The following KAZN variants were observed in gnomAD, a reference collection of about 807,000 sequenced individuals.
The protein encoded by KAZN is kazrin.
KAZN carries 40 observed loss-of-function variants against 87.4 expected under a neutral mutation model. The ratio of observed to expected loss-of-function variants is 0.46; its 90% CI spans 0.36 to 0.60. KAZN has a LOEUF of 0.60. KAZN is among the 20% of genes least tolerant of loss of function. The probability of loss-of-function intolerance (pLI) is 0.00; values close to 1 mark genes in which losing one functional copy is unlikely to be tolerated. For synonymous variants in KAZN, 466 were observed against 458.3 expected (o/e 1.02, Z -0.22); for missense variants, 898 against 1,073.9 (o/e 0.84, Z 2.29).
chr1:14,542,190 A>G (rs1424796691), intron 2 of KAZN, among the ~76,000 whole-genome samples: 1 of 151,738 alleles, frequency 6.6e-6, no homozygotes, highest in Non-Finnish European at 1.5e-5. Flanking sequence ...AGGGTATAAC[A>G]AGGACAAAAA....
At chr1:14,738,189 C>G (rs955175830) in intron 1 of KAZN, among the ~76,000 whole-genome samples, 3 of 152,136 alleles carry the variant, frequency 2.0e-5, no homozygotes, top group Non-Finnish European at 4.4e-5. Flanking sequence ...TCCACAGGCT[C>G]TAGTAGATCT....
intron 2 of KAZN, among the ~76,000 whole-genome samples, chr1:14,480,165 TCTC>T (rs1431014272): frequency 3.3e-5 from 5 of 152,208 alleles, no homozygotes; most frequent in African/African-American, 1.2e-4. Flanking sequence ...GATGTCAGCC[TCTC>T]CTCCTCTGTG....
At chr1:14,736,389 C>G (rs1643907728) in intron 1 of KAZN, among the ~76,000 whole-genome samples, 1 of 150,852 alleles carries the variant, frequency 6.6e-6, no homozygotes, top group Non-Finnish European at 1.5e-5. Flanking sequence ...ACCTCTGCCT[C>G]CCAGGTTCAA....
At chr1:14,300,657 G>A (rs1356532966) in intron 2 of KAZN, among the ~76,000 whole-genome samples, 1 of 152,216 alleles carries the variant, frequency 6.6e-6, no homozygotes, top group Non-Finnish European at 1.5e-5. Flanking sequence ...GAAGCACACT[G>A]CACATGAGAC....
chr1:14,458,572 T>A (rs992698062), intron 2 of KAZN, among the ~76,000 whole-genome samples: 6 of 152,340 alleles, frequency 3.9e-5, no homozygotes, highest in Admixed American at 1.3e-4. Flanking sequence ...GTAGCCCCTT[T>A]TCTCCGGGGA....
At chr1:14,701,118 A>G (rs1360975605) in intron 1 of KAZN, among the ~76,000 whole-genome samples, 1 of 152,164 alleles carries the variant, frequency 6.6e-6, no homozygotes, top group Admixed American at 6.5e-5. Context: ...ATATGACATT[A>G]GTATAATTTT....
intron 1 of KAZN, among the ~76,000 whole-genome samples, chr1:14,119,298 G>A (rs916430): frequency 0.67 from 101,875 of 152,044 alleles, 35,658 homozygotes; most frequent in African/African-American, 0.86. Context: ...GACTTTTATC[G>A]GGACTCATAA....
intron 1 of KAZN, among the ~76,000 whole-genome samples, chr1:14,076,163 C>A (rs1302730331): frequency 6.6e-6 from 1 of 151,994 alleles, no homozygotes; most frequent in African/African-American, 2.4e-5. Context: ...CACCTGTAGT[C>A]CCAGCTACTC....
At chr1:13,946,924 G>C (rs76673871) in intron 1 of KAZN, among the ~76,000 whole-genome samples, 10,747 of 152,142 alleles carry the variant, frequency 0.071, 575 homozygotes, top group East Asian at 0.2. Context: ...TCTGGAAGCC[G>C]GATGTCCAAA....
chr1:15,019,743 T>C (rs1670477010), intron 2 of KAZN, among the ~76,000 whole-genome samples: 1 of 152,120 alleles, frequency 6.6e-6, no homozygotes, highest in African/African-American at 2.4e-5. Context: ...CAGGATTGCT[T>C]TGAGGAAAAT....
At chr1:14,999,050 G>A (rs774524896) in intron 2 of KAZN, among the ~76,000 whole-genome samples, 4 of 152,178 alleles carry the variant, frequency 2.6e-5, no homozygotes, top group Non-Finnish European at 5.9e-5. Flanking sequence ...TCCAGGTGTG[G>A]TAGTGTCCAC....
intron 2 of KAZN, among the ~76,000 whole-genome samples, chr1:14,201,634 A>G (rs887873112): frequency 2.6e-5 from 4 of 152,180 alleles, no homozygotes; most frequent in Non-Finnish European, 5.9e-5. Flanking sequence ...CACTCAATCT[A>G]AGAAAGCCAG....
intron 1 of KAZN, among the ~76,000 whole-genome samples, chr1:14,658,069 A>G (rs1052531027): frequency 6.6e-6 from 1 of 152,122 alleles, no homozygotes; most frequent in African/African-American, 2.4e-5. Context: ...AGGCAAAGCA[A>G]TTGCACCTGG....
intron 2 of KAZN, among the ~76,000 whole-genome samples, chr1:14,489,200 T>G (rs74226815): frequency 0.11 from 17,111 of 152,134 alleles, 1,377 homozygotes; most frequent in East Asian, 0.33. Context: ...AAAAGAAGAA[T>G]ATGACAAAAA....
chr1:13,949,581 G>A (rs979912856), intron 1 of KAZN, among the ~76,000 whole-genome samples: 4 of 152,122 alleles, frequency 2.6e-5, no homozygotes, highest in Non-Finnish European at 4.4e-5. Flanking sequence ...CCATAATGGC[G>A]ATCATAACAG....
intron 1 of KAZN, among the ~76,000 whole-genome samples, chr1:13,945,714 A>T (rs999057226): frequency 0.046 from 1,994 of 43,288 alleles, 24 homozygotes; most frequent in African/African-American, 0.1. Context: ...TGTGTGTGAG[A>T]GAGAGAGAGA....
At chr1:14,054,583 C>A (rs1642472839) in intron 1 of KAZN, among the ~76,000 whole-genome samples, 1 of 152,184 alleles carries the variant, frequency 6.6e-6, no homozygotes, top group Non-Finnish European at 1.5e-5. Flanking sequence ...TAGCTCAATT[C>A]TTGGCCCAGG....
At chr1:14,503,033 C>T (rs1670348314) in intron 2 of KAZN, among the ~76,000 whole-genome samples, 2 of 151,992 alleles carry the variant, frequency 1.3e-5, no homozygotes, top group Non-Finnish European at 1.5e-5. Flanking sequence ...AATGAATGAA[C>T]CTCTAATGCA....
At chr1:14,598,281 G>T (rs1174090871), upstream of KAZN, among the ~76,000 whole-genome samples, 1 of 152,120 alleles carries the variant, frequency 6.6e-6, no homozygotes, top group Non-Finnish European at 1.5e-5. The surrounding 1 kb of genome is among the most constrained non-coding windows in gnomAD (Gnocchi z 4.2). Flanking sequence ...GGTGGAGCAC[G>T]AACTCCACTC....
Sources: gnomAD v4.1 joint callset for allele counts (sites outside exome capture counted in the v4.1 genomes callset) on GRCh38, gnomAD v4.1.1 for gene constraint, Gnocchi (gnomAD v3.1) non-coding constraint, MANE v1.5 for transcripts, NCBI Gene and HGNC (gene_info 2026-07-23, HGNC 2026-07-21) for gene names.